Variants in PLEKHA7 observed in about 807,000 individuals in gnomAD.
The protein encoded by PLEKHA7 is pleckstrin homology domain-containing family A member 7.
A neutral mutation model predicts 170.0 loss-of-function variants in PLEKHA7; 104 were observed. The observed-to-expected ratio is 0.61, with a 90% CI of 0.52 to 0.72. PLEKHA7 has a LOEUF of 0.72. PLEKHA7 is among the 30% of genes least tolerant of loss of function. The pLI is 0.00. For missense variants in PLEKHA7, 1,615 were observed against 1,671.7 expected (o/e 0.97, Z 0.59); for synonymous variants, 648 against 660.8 (o/e 0.98, Z 0.30).
chr11:16,837,022 C>T (rs894698282), intron 9 of PLEKHA7, among the ~76,000 whole-genome samples: 1 of 152,118 alleles, frequency 6.6e-6, no homozygotes, highest in African/African-American at 2.4e-5. Flanking sequence ...TGGAGTTTCA[C>T]CACGTTGGCC....
intron 3 of PLEKHA7, among the ~76,000 whole-genome samples, chr11:16,881,079 T>C (rs972782508): frequency 1.3e-5 from 2 of 152,226 alleles, no homozygotes; most frequent in Non-Finnish European, 2.9e-5. Context: ...ATGATACTTA[T>C]GTCTTATTTA....
intron 3 of PLEKHA7, among the ~76,000 whole-genome samples, chr11:16,930,675 A>G (rs1021432536): frequency 2.0e-5 from 3 of 152,222 alleles, no homozygotes; most frequent in African/African-American, 7.2e-5. Context: ...TAATCAAGCT[A>G]ATTTTACTGT....
chr11:16,859,435 A>G (rs1853751372), intron 4 of PLEKHA7, among the ~76,000 whole-genome samples: 1 of 152,232 alleles, frequency 6.6e-6, no homozygotes, highest in Admixed American at 6.5e-5. Flanking sequence ...AAAAGTCTCA[A>G]AAACAATTTT....
chr11:16,903,077 T>C (rs1015350982), intron 3 of PLEKHA7, among the ~76,000 whole-genome samples: 1 of 152,192 alleles, frequency 6.6e-6, no homozygotes, highest in Non-Finnish European at 1.5e-5. Context: ...TTAGTTATCA[T>C]TGCCAAAGGT....
intron 9 of PLEKHA7, among the ~76,000 whole-genome samples, chr11:16,838,186 T>C (rs1182363995): frequency 6.6e-6 from 1 of 152,166 alleles, no homozygotes; most frequent in East Asian, 1.9e-4. Context: ...AGAGGATAGA[T>C]ACAGGCAATT....
intron 9 of PLEKHA7, among the ~76,000 whole-genome samples, chr11:16,833,746 C>T (rs1851298843): frequency 2.6e-5 from 4 of 152,188 alleles, no homozygotes; most frequent in African/African-American, 9.7e-5. Flanking sequence ...AATAAATGGA[C>T]TCTAATAAAG....
chr11:16,911,826 A>C (rs1455521249), intron 3 of PLEKHA7, among the ~76,000 whole-genome samples: 2 of 152,152 alleles, frequency 1.3e-5, no homozygotes, highest in East Asian at 3.9e-4. Context: ...GATGAATCAA[A>C]TAGAGACACA....
intron 6 of PLEKHA7, among the ~76,000 whole-genome samples, chr11:16,852,983 A>G (rs959702739): frequency 2.6e-5 from 4 of 152,222 alleles, no homozygotes; most frequent in African/African-American, 9.6e-5. Flanking sequence ...TATTTTTCAA[A>G]AACATGGCAA....
intron 23 of PLEKHA7, chr11:16,787,815 C>T (rs1392750049): frequency 6.6e-6 from 1 of 152,146 alleles, no homozygotes; most frequent in South Asian, 2.1e-4. Flanking sequence ...CCCCATATGA[C>T]ATTTGTTTTA....
intron 4 of PLEKHA7, among the ~76,000 whole-genome samples, chr11:16,863,383 A>T (rs988908505): frequency 6.6e-6 from 1 of 152,172 alleles, no homozygotes; most frequent in Non-Finnish European, 1.5e-5. Flanking sequence ...GGAAACAACA[A>T]GCTAAACTCA....
At chr11:17,006,552 C>T (rs1374424289) in intron 3 of PLEKHA7, among the ~76,000 whole-genome samples, 4 of 143,336 alleles carry the variant, frequency 2.8e-5, no homozygotes, top group African/African-American at 1.0e-4. Flanking sequence ...CGCTTGAACC[C>T]GGGAAGCAGA....
At position 16,870,641 on chromosome 11, in the gene PLEKHA7, C is replaced by CAAA. The variant is rs11321089; in HGVS notation, c.305+455_305+457dup. Among the ~76,000 whole-genome samples the CAAA allele has an allele frequency of 3.0e-3, 334 of 110,754 alleles. 1 individual carries two copies. The highest frequency in any genetic ancestry group is 0.011 in the African/African-American group (316 of 28,100). 72.7% of individuals were successfully genotyped at this position (110,754 alleles called of 152,430 possible). A position where few individuals can be genotyped will look rare whatever the true frequency, so the allele number is the denominator to read the frequency against. On this transcript the variant is annotated intron_variant, in intron 4 of 26. Transcript: ENST00000531066. The stretch of plus-strand genomic sequence containing the variant: ...CCTGGGTGACAAAAAGACCCTGCCT[C>CAAA]AAAAAAAAAAAAAAAAAAAAGATAT...
At chr11:16,961,019 C>A (rs1007405863) in intron 3 of PLEKHA7, among the ~76,000 whole-genome samples, 3 of 152,218 alleles carry the variant, frequency 2.0e-5, no homozygotes, top group Non-Finnish European at 4.4e-5. Context: ...TCCCCCTCCA[C>A]CCCACTCAAG....
intron 3 of PLEKHA7, among the ~76,000 whole-genome samples, chr11:16,887,844 C>T (rs1401078007): frequency 6.6e-6 from 1 of 152,100 alleles, no homozygotes; most frequent in Non-Finnish European, 1.5e-5. Flanking sequence ...AGCGTCTCTG[C>T]CTGGCCGCCC....
At chr11:16,910,739 CA>C (rs1858190431) in intron 3 of PLEKHA7, among the ~76,000 whole-genome samples, 1 of 152,198 alleles carries the variant, frequency 6.6e-6, no homozygotes, top group Non-Finnish European at 1.5e-5. Flanking sequence ...GACAGCCCCC[CA>C]CAACAAAGAA....
intron 12 of PLEKHA7, 82 bp downstream of exon 12, chr11:16,816,096 T>C: frequency 8.4e-7 from 1 of 1,189,780 alleles, no homozygotes; most frequent in Non-Finnish European, 1.2e-6. Flanking sequence ...AGCTGCCCTC[T>C]GGACTGCATT....
intron 8 of PLEKHA7, among the ~76,000 whole-genome samples, chr11:16,845,751 G>A (rs559053022): frequency 6.6e-6 from 1 of 152,270 alleles, no homozygotes; most frequent in East Asian, 1.9e-4. Flanking sequence ...GAAGAGGTTC[G>A]AGTCAGCAGA....
intron 1 of PLEKHA7, 28 bp from the exon 2 acceptor site, chr11:17,014,229 C>T (rs1230681355): frequency 3.4e-6 from 5 of 1,480,360 alleles, no homozygotes; most frequent in Non-Finnish European, 4.5e-6. Context: ...CACCTGTTAG[C>T]GCCGCCACAG....
chr11:16,958,580 T>C (rs189202961), intron 3 of PLEKHA7, among the ~76,000 whole-genome samples: 15 of 152,344 alleles, frequency 9.8e-5, no homozygotes, highest in Non-Finnish European at 1.3e-4. Flanking sequence ...TCTGTGCTTT[T>C]CCTCTGTATT....
Sources: allele counts gnomAD v4.1 joint callset (sites outside exome capture counted in the v4.1 genomes callset), GRCh38; gene constraint gnomAD v4.1.1; transcripts MANE v1.5; gene names NCBI Gene and HGNC (gene_info 2026-07-23, HGNC 2026-07-21).